Variants in AKT2 observed in about 807,000 individuals in gnomAD.
AKT2 encodes RAC-beta serine/threonine-protein kinase.
A neutral mutation model predicts 58.6 loss-of-function variants in AKT2; 16 were observed. That is an observed-to-expected ratio of 0.27 (90% CI 0.18 to 0.41). AKT2 has a LOEUF of 0.41. Among genes scored for constraint, AKT2 ranks in the 10% least tolerant of loss-of-function variants. AKT2 has a pLI of 1.00. For missense variants in AKT2, 438 were observed against 661.0 expected, an observed-to-expected ratio of 0.66 and a Z score of 3.70; for synonymous variants, 253 against 254.0, an observed-to-expected ratio of 1.00 and a Z score of 0.04.
In AKT2 at chr19:40,242,006, C is replaced by T. The variant is rs1305342088; in HGVS notation, c.505G>A (p.Val169Met). 6.2e-7 allele frequency: 1 copy of T among 1,614,248 alleles called. No individual in the cohort carries two copies. The change falls in exon 6 of 14, where the codon GTG becomes ATG. Residue 169 changes from valine to methionine, a missense_variant. This residue lies in a region of AKT2 where 244 missense variants were observed against 347.1 expected (regional missense o/e 0.70). Transcript: ENST00000392038. This position sits in a 1 kb window ranked among gnomAD's most constrained non-coding sequence, Gnocchi z 4.3. ...TAGCGGCCAGTGGCCTTCTCCCGCACCAGGATGACTTTGCCAAAGGTTCCC... is the reference window on the plus strand; with the variant it reads ...TAGCGGCCAGTGGCCTTCTCCCGCATCAGGATGACTTTGCCAAAGGTTCCC... ...GKGTFGKVILVREKATGRYYA... is the reference protein window; with the variant it reads ...GKGTFGKVILMREKATGRYYA...
rs576084929 is a variant in AKT2 at position 40,244,232 on chromosome 19, C to T, written c.288-1545G>A. 4 of 151,608 alleles carry T rather than the reference C, an allele frequency of 2.6e-5. No homozygotes were observed. In the South Asian group the frequency reaches 8.3e-4, roughly 32 times the overall value. 9.4% of individuals were successfully genotyped at this position (151,608 alleles called of 1,614,324 possible). On this transcript the variant is annotated intron_variant, in intron 4 of 13. Transcript: ENST00000392038. ...CTGAGACGGGACGATGGCTTGCATC[C>T]GGAAGTTTGAGACCAGCCTAGGCAA...
chr19:40,255,423 C>T (rs1354478696), intron 3 of AKT2, 154 bp from the exon 4 acceptor site: 3 of 611,126 alleles, frequency 4.9e-6, no homozygotes, highest in Non-Finnish European at 8.9e-6. Flanking sequence ...CCTGTTCTCA[C>T]AGGGCTCAGG....
Position 40,265,420 on chromosome 19 carries a change from C to T in AKT2, c.-84-69G>A, listed in dbSNP as rs1327194520. 17 of 1,517,630 alleles carry T rather than the reference C, an allele frequency of 1.1e-5. No homozygotes were observed. The Admixed American group carries it at 1.2e-4, about 11-fold the overall frequency. The allele number at this position is 1,517,630 out of a possible 1,614,324, so 94.0% of individuals were successfully genotyped here. A position where few individuals can be genotyped will look rare whatever the true frequency, so the allele number is the denominator to read the frequency against. Reference sequence around the variant, plus strand: ...ACACCAGCCCCTTCCCTGAGGACGCCGGGCTCTGAGGCCCTCTGGCTGTTC... The same window carrying T: ...ACACCAGCCCCTTCCCTGAGGACGCTGGGCTCTGAGGCCCTCTGGCTGTTC... On this transcript the variant is annotated intron_variant, in intron 1 of 13. Transcript: ENST00000392038.
chr19:40,237,940 G>A lies in AKT2; in HGVS notation c.831+29C>T, dbSNP rs1389293152. The A allele has an allele frequency of 6.2e-7, 1 of 1,611,200 alleles. No individual in the cohort carries two copies. Among genetic ancestry groups the A allele is most frequent in the East Asian group, 2.2e-5 (1 of 44,846 alleles). On this transcript the variant is annotated intron_variant, in intron 9 of 13. Coordinates refer to ENST00000392038, the MANE Select transcript of AKT2 (RefSeq NM_001626.6). This position sits in a 1 kb window ranked among gnomAD's most constrained non-coding sequence, Gnocchi z 4.5. ...GTCCCATGTGGTGTGCATGCCACAG[G>A]TCAGCCTGGCGCACACCCTGCCACT...
At chr19:40,281,359 G>A (rs1448948666) in intron 1 of AKT2, among the ~76,000 whole-genome samples, 2 of 152,176 alleles carry the variant, frequency 1.3e-5, no homozygotes, top group East Asian at 3.8e-4. Flanking sequence ...AGGCATGGTG[G>A]CATGCACCTG....
intron 1 of AKT2, among the ~76,000 whole-genome samples, chr19:40,278,448 G>A (rs999558701): frequency 2.0e-5 from 3 of 152,084 alleles, no homozygotes; most frequent in South Asian, 2.1e-4. Flanking sequence ...GTGGCTTCCT[G>A]GGCCTCAGTT....
Position 40,234,641 on chromosome 19 carries a change from A to C in AKT2, c.1366+404T>G. 1 of 543,170 alleles carries C rather than the reference A, an allele frequency of 1.8e-6. No homozygotes were observed. Among genetic ancestry groups the C allele is most frequent in the Non-Finnish European group, 3.2e-6 (1 of 308,880 alleles). 33.6% of individuals were successfully genotyped at this position (543,170 alleles called of 1,614,324 possible). A position where few individuals can be genotyped will look rare whatever the true frequency, so the allele number is the denominator to read the frequency against. ...GGCCTCCCACGCCCTAGCCCTGACC[A>C]CTCCAGGCCGCCCACCCTACCTGGG... is the stretch of plus-strand genomic sequence containing the variant. On this transcript the variant is annotated intron_variant, in intron 13 of 13. Transcript: ENST00000392038. This position sits in a 1 kb window ranked among gnomAD's most constrained non-coding sequence, Gnocchi z 4.7.
intron 1 of AKT2, among the ~76,000 whole-genome samples, chr19:40,284,437 C>T (rs960957608): frequency 2.0e-5 from 3 of 152,178 alleles, no homozygotes; most frequent in African/African-American, 7.2e-5. Flanking sequence ...GCAGCACCTC[C>T]ATGGTCCAAA....
Position 40,235,257 on chromosome 19 carries a change from G to T in AKT2, c.1263+6C>A. ...GGGTCCTGCTGGGGCAAGCAGTGGGGCTCACCTTCTTCTGGACCACGTCCT... is the reference window on the plus strand; with the variant it reads ...GGGTCCTGCTGGGGCAAGCAGTGGGTCTCACCTTCTTCTGGACCACGTCCT... On this transcript the variant is annotated splice_donor_region_variant and intron_variant, in intron 12 of 13. Coordinates refer to ENST00000392038, the MANE Select transcript of AKT2 (RefSeq NM_001626.6). This position sits in a 1 kb window ranked among gnomAD's most constrained non-coding sequence, Gnocchi z 6.3. 4 of 1,614,084 alleles carry T rather than the reference G, an allele frequency of 2.5e-6. No homozygotes were observed. Among genetic ancestry groups the T allele is most frequent in the Non-Finnish European group, 1.7e-6 (2 of 1,180,010 alleles).
intron 6 of AKT2, chr19:40,241,705 C>T: frequency 1.6e-6 from 1 of 610,962 alleles, no homozygotes; most frequent in Non-Finnish European, 2.8e-6. Flanking sequence ...CCCCGAGGCT[C>T]TCTCTCTCCA....
intron 2 of AKT2, among the ~76,000 whole-genome samples, chr19:40,259,854 A>T (rs1308092947): frequency 2.6e-5 from 4 of 152,258 alleles, no homozygotes; most frequent in Non-Finnish European, 5.9e-5. Context: ...GCAAACATAA[A>T]TCAAAATCAC....
rs1305667108 is a variant in AKT2, at chr19:40,237,671, T to C, written c.831+298A>G. The C allele has an allele frequency of 2.5e-6, 1 of 396,462 alleles. No individual in the cohort carries two copies. Among genetic ancestry groups the C allele is most frequent in the Non-Finnish European group, 4.8e-6 (1 of 210,266 alleles). The allele number at this position is 396,462 out of a possible 1,614,324, so 24.6% of individuals were successfully genotyped here. ...AAATAAATACAAATAAAGTAGGTAT[T>C]GTGGCAGTTGACACTCCGCTAGTGG... On this transcript the variant is annotated intron_variant, in intron 9 of 13. Coordinates refer to ENST00000392038, the MANE Select transcript of AKT2 (RefSeq NM_001626.6). The surrounding 1 kb of genome is among the most constrained non-coding windows in gnomAD (Gnocchi z 4.5).
chr19:40,238,989 A>T lies in AKT2; in HGVS notation c.640-16T>A. ...ACTTCAGCGCCTGGGGGATGAAGGC[A>T]GCAGGGTGGGAGGTGGGAGGGAGGA... is the stretch of plus-strand genomic sequence containing the variant. On this transcript the variant is annotated splice_polypyrimidine_tract_variant and intron_variant, in intron 7 of 13. Coordinates refer to ENST00000392038, the MANE Select transcript of AKT2 (RefSeq NM_001626.6). The surrounding 1 kb of genome is among the most constrained non-coding windows in gnomAD (Gnocchi z 5.1). 6.2e-7 allele frequency: 1 copy of T among 1,612,050 alleles called. No homozygotes were observed. The highest frequency in any genetic ancestry group is 8.5e-7 in the Non-Finnish European group (1 of 1,178,512).
intron 7 of AKT2, chr19:40,239,624 T>G (rs1974262426): frequency 1.4e-5 from 5 of 363,130 alleles, no homozygotes; most frequent in South Asian, 1.1e-4. Flanking sequence ...TGATGGAGAC[T>G]GCAGCCCAAA....
At chr19:40,277,762 C>A (rs2077353213) in intron 1 of AKT2, among the ~76,000 whole-genome samples, 1 of 152,224 alleles carries the variant, frequency 6.6e-6, no homozygotes, top group Non-Finnish European at 1.5e-5. Flanking sequence ...GATCTCTGTT[C>A]CCTCCTTCAG....
intron 4 of AKT2, among the ~76,000 whole-genome samples, chr19:40,251,817 T>A (rs965060901): frequency 1.3e-5 from 2 of 152,232 alleles, no homozygotes; most frequent in African/African-American, 4.8e-5. Context: ...AAAGTCCTTA[T>A]TCTTAGGAGA....
chr19:40,256,957 A>C lies in AKT2; in HGVS notation c.144T>G (p.Thr48=). The C allele has an allele frequency of 6.2e-7, 1 of 1,614,176 alleles. No homozygotes were observed. Among genetic ancestry groups the C allele is most frequent in the Non-Finnish European group, 8.5e-7 (1 of 1,180,002 alleles). The change falls in exon 3 of 14, where the codon ACT becomes ACG. Residue 48 remains threonine, a synonymous_variant. Transcript: ENST00000392038. ...YKERPEAPDQ[T]LPPLNNFSVA... ...CGGAGAAGTTGTTTAAGGGGGGTAG[A>C]GTCTGATCAGGGGCCTCGGGCCTCT...
rs533347053 is a variant in AKT2, at chr19:40,259,385, T to A, written c.47-2331A>T. ...ATATCCACATTCAAAAGAATGGATA[T>A]CACATTCTTTTGTGATATCCTACTT... On this transcript the variant is annotated intron_variant, in intron 2 of 13. Coordinates refer to ENST00000392038, the MANE Select transcript of AKT2 (RefSeq NM_001626.6). Among the ~76,000 whole-genome samples, 21 of 152,268 alleles carry A rather than the reference T, an allele frequency of 1.4e-4. No individual in the cohort carries two copies. The East Asian group carries it at 1.9e-3, about 14-fold the overall frequency.
chr19:40,264,049 C>T (rs1045398535), intron 2 of AKT2, among the ~76,000 whole-genome samples: 2 of 152,130 alleles, frequency 1.3e-5, no homozygotes, highest in Non-Finnish European at 2.9e-5. Context: ...TCCCTGTCAG[C>T]GCCCAAGATA....
Sources: gnomAD v4.1 joint callset for allele counts (sites outside exome capture counted in the v4.1 genomes callset) on GRCh38, gnomAD v4.1.1 for gene constraint, gnomAD v4.1.1 regional missense constraint, Gnocchi (gnomAD v3.1) non-coding constraint, MANE v1.5 for transcripts, NCBI Gene and HGNC (gene_info 2026-07-23, HGNC 2026-07-21) for gene names.